Variants in SLC29A4 observed in about 807,000 individuals in gnomAD.
SLC29A4 encodes the protein equilibrative nucleoside transporter 4.
A neutral mutation model predicts 43.9 loss-of-function variants in SLC29A4; 36 were observed. The observed-to-expected ratio is 0.82, with a 90% confidence interval of 0.63 to 1.08. The LOEUF (loss-of-function observed/expected upper bound fraction) is 1.08. Among genes scored for constraint, SLC29A4 ranks in the 50% least tolerant of loss-of-function variants. SLC29A4 has a pLI of 0.00. For synonymous variants in SLC29A4, 491 were observed against 338.0 expected, an observed-to-expected ratio of 1.45 and a Z score of -4.97; for missense variants, 869 against 755.3, an observed-to-expected ratio of 1.15 and a Z score of -1.77.
chr7:5,291,892 T>C (rs1785333951), intron 5 of SLC29A4, 71 bp downstream of exon 5: 13 of 1,542,124 alleles, frequency 8.4e-6, no homozygotes, highest in Non-Finnish European at 1.1e-5. Context: ...AGCCCTGGTC[T>C]CCTGCTGGTG....
At chr7:5,298,539 C>G (rs976872475) in intron 7 of SLC29A4, among the ~76,000 whole-genome samples, 2 of 152,148 alleles carry the variant, frequency 1.3e-5, no homozygotes, top group Non-Finnish European at 2.9e-5. Flanking sequence ...CACCTGCAAT[C>G]CCAGCTATAC....
chr7:5,304,761 C>T lies in SLC29A4; in HGVS notation c.*1822C>T, dbSNP rs1442016302. ...TCAAGTGATCCATCTGTCTCATCCT[C>T]CCAAAGTGTTGGGATTACAGGTGTG... On this transcript the variant is annotated 3_prime_UTR_variant, in exon 11 of 11. Transcript: ENST00000396872. 5 of 152,332 alleles carry T rather than the reference C, an allele frequency of 3.3e-5. No homozygotes were observed. The South Asian group carries it at 6.2e-4, about 19-fold the overall frequency. 9.4% of individuals were successfully genotyped at this position (152,332 alleles called of 1,614,324 possible). A position where few individuals can be genotyped will look rare whatever the true frequency, so the allele number is the denominator to read the frequency against.
chr7:5,297,755 G>T (rs1785813589), intron 7 of SLC29A4, among the ~76,000 whole-genome samples: 1 of 152,210 alleles, frequency 6.6e-6, no homozygotes, highest in South Asian at 2.1e-4. Context: ...GAAGTCGCCA[G>T]CCAGGAAAGG....
chr7:5,297,854 G>T (rs1785822414), intron 7 of SLC29A4, among the ~76,000 whole-genome samples: 1 of 152,162 alleles, frequency 6.6e-6, no homozygotes, highest in Admixed American at 6.5e-5. Flanking sequence ...CCCTGTCATA[G>T]CACAGAGGCA....
intron 1 of SLC29A4, among the ~76,000 whole-genome samples, chr7:5,286,668 A>G (rs933981685): frequency 1.3e-5 from 2 of 152,164 alleles, no homozygotes; most frequent in African/African-American, 4.8e-5. Flanking sequence ...CAGGGCTGGC[A>G]GATCCAAATT....
chr7:5,284,771 T>C (rs534193457), intron 1 of SLC29A4, among the ~76,000 whole-genome samples: 2 of 152,266 alleles, frequency 1.3e-5, no homozygotes, highest in Admixed American at 1.3e-4. Flanking sequence ...CCGGGCAGTG[T>C]GGGTGGCAGC....
At chr7:5,295,532 C>T (rs962880673) in intron 6 of SLC29A4, among the ~76,000 whole-genome samples, 1 of 152,254 alleles carries the variant, frequency 6.6e-6, no homozygotes, top group Non-Finnish European at 1.5e-5. Context: ...GGCCTCCAGC[C>T]CCTGCAGAGG....
Position 5,303,382 on chromosome 7 carries a change from C to G in SLC29A4, c.*443C>G, listed in dbSNP as rs558133557. ...CGCCTGGCCCAGCCTCCACCAGGGACCCCTCCTCATGAACTCTGGAGCCCT... is the reference window on the plus strand; with the variant it reads ...CGCCTGGCCCAGCCTCCACCAGGGAGCCCTCCTCATGAACTCTGGAGCCCT... On this transcript the variant is annotated 3_prime_UTR_variant, in exon 11 of 11. Coordinates refer to ENST00000396872, the MANE Select transcript of SLC29A4 (RefSeq NM_153247.4). 4.8e-6 allele frequency: 1 copy of G among 210,300 alleles called. No individual in the cohort carries two copies. Among genetic ancestry groups the G allele is most frequent in the Non-Finnish European group, 9.4e-6 (1 of 106,036 alleles). The allele number at this position is 210,300 out of a possible 1,614,324, so 13.0% of individuals were successfully genotyped here.
chr7:5,302,903 C>A lies in SLC29A4; in HGVS notation c.1557C>A (p.Ala519=). 6.2e-7 allele frequency: 1 copy of A among 1,607,174 alleles called. No homozygotes were observed. Among genetic ancestry groups the A allele is most frequent in the African/African-American group, 1.3e-5 (1 of 74,928 alleles). Residue 519 remains alanine (A), a synonymous_variant, in exon 11 of 11, where the codon GCC becomes GCA. Transcript: ENST00000396872. ...TRDAHGSCLH[A]STANGSILAG... Reference sequence around the variant, plus strand: ...ACGCTCACGGCAGCTGCCTGCACGCCTCCACCGCCAATGGTTCCATCCTCG... The same window carrying A: ...ACGCTCACGGCAGCTGCCTGCACGCATCCACCGCCAATGGTTCCATCCTCG...
chr7:5,293,605 T>C (rs1467395709), intron 5 of SLC29A4, among the ~76,000 whole-genome samples: 8 of 152,146 alleles, frequency 5.3e-5, no homozygotes, highest in African/African-American at 1.9e-4. Flanking sequence ...CTCCCAATAC[T>C]ACTGTTCTGT....
intron 6 of SLC29A4, 28 bp from the exon 7 acceptor site, chr7:5,296,908 G>C (rs1785715932): frequency 6.4e-7 from 1 of 1,555,742 alleles, no homozygotes; most frequent in Non-Finnish European, 8.6e-7. Flanking sequence ...GGCGGATCAG[G>C]CCCCGGCCCA....
rs759979892 is a variant in SLC29A4 at position 5,299,310 on chromosome 7, C to T, written c.1092C>T (p.Tyr364=). The T allele has an allele frequency of 9.3e-6, 15 of 1,611,934 alleles. No individual in the cohort carries two copies. Among genetic ancestry groups the T allele is most frequent in the Admixed American group, 5.0e-5 (3 of 59,994 alleles). ...ACATGCTCTCCATCGCCGTGACCTA[C>T]TTCATCACGCTGTGCCTGTTCCCCG... is the stretch of plus-strand genomic sequence containing the variant. ...WADMLSIAVT[Y]FITLCLFPGL... Residue 364 remains tyrosine, a synonymous_variant, in exon 9 of 11, where the codon TAC becomes TAT. Coordinates refer to ENST00000396872, the MANE Select transcript of SLC29A4 (RefSeq NM_153247.4).
At chr7:5,289,996 C>G (rs1269857286) in intron 2 of SLC29A4, among the ~76,000 whole-genome samples, 1 of 152,110 alleles carries the variant, frequency 6.6e-6, no homozygotes, top group Admixed American at 6.6e-5. Flanking sequence ...AATGATTCTC[C>G]TGCCTCAGCC....
chr7:5,296,322 C>G (rs1167219611), intron 6 of SLC29A4, among the ~76,000 whole-genome samples: 1 of 151,472 alleles, frequency 6.6e-6, no homozygotes, highest in African/African-American at 2.4e-5. Context: ...CGTGGCCCTA[C>G]TGCGTCCTCA....
At chr7:5,294,729 T>C (rs1468098892) in intron 5 of SLC29A4, 131 bp from the exon 6 acceptor site, 5 of 888,394 alleles carry the variant, frequency 5.6e-6, no homozygotes, top group Non-Finnish European at 7.5e-6. Flanking sequence ...GCGTGTCAAA[T>C]CTCTCTGCCA....
chr7:5,299,966 C>T lies in SLC29A4; in HGVS notation c.1210-456C>T, dbSNP rs182881343. ...ACTTGGGAAGCTGAGGCAGGAGAAT[C>T]GCTTGAACCCAGGAGGTGGAGGGTG... On this transcript the variant is annotated intron_variant, in intron 9 of 10. Transcript: ENST00000396872. 3.9e-3 allele frequency among the ~76,000 whole-genome samples: 596 copies of T among 152,206 alleles called. 6 individuals carry two copies. Among genetic ancestry groups the T allele is most frequent in the African/African-American group, 0.014 (576 of 41,528 alleles).
At position 5,300,626 on chromosome 7, in the gene SLC29A4, G is replaced by A. The variant is rs764126472; in HGVS notation, c.1414G>A (p.Ala472Thr). ...CGGCAGCGTGCCCATGATCCTGGCG[G>A]CAGGCAAAGTGAGCCCCAAGCAGCG... ...YFGSVPMILA[A>T]GKVSPKQREL... is the part of the protein sequence containing the mutation. The change falls in exon 10 of 11, where the codon GCA becomes ACA. Residue 472 changes from alanine (A) to threonine (T), a missense_variant. Transcript: ENST00000396872. 6.2e-7 allele frequency: 1 copy of A among 1,609,950 alleles called. No individual in the cohort carries two copies. The highest frequency in any genetic ancestry group is 1.3e-5 in the African/African-American group (1 of 74,996).
intron 2 of SLC29A4, among the ~76,000 whole-genome samples, chr7:5,289,024 C>T (rs139107678): frequency 0.019 from 2,954 of 152,228 alleles, 53 homozygotes; most frequent in Non-Finnish European, 0.03. Context: ...TGGGCCTGTC[C>T]CTGGCACTCA....
At chr7:5,283,898 G>C (rs1171587473) in intron 1 of SLC29A4, among the ~76,000 whole-genome samples, 1 of 152,208 alleles carries the variant, frequency 6.6e-6, no homozygotes, top group African/African-American at 2.4e-5. Flanking sequence ...CGGCCCCCGA[G>C]TGAGGCCAGA....
Sources: gnomAD v4.1 joint callset for allele counts (sites outside exome capture counted in the v4.1 genomes callset) on GRCh38, gnomAD v4.1.1 for gene constraint, MANE v1.5 for transcripts, NCBI Gene and HGNC (gene_info 2026-07-23, HGNC 2026-07-21) for gene names.